The following CXCL13 variants were observed in gnomAD, a reference collection of about 807,000 sequenced individuals.
CXCL13 encodes C-X-C motif chemokine 13.
CXCL13 carries 7 observed loss-of-function variants against 12.2 expected under a neutral mutation model. The observed-to-expected ratio is 0.57, with a 90% confidence interval of 0.33 to 1.07. The LOEUF is 1.07. Among genes scored for constraint, CXCL13 ranks in the 50% least tolerant of loss-of-function variants. The pLI is 0.04. For missense variants in CXCL13, 113 were observed against 127.4 expected, an observed-to-expected ratio of 0.89 and a Z score of 0.55; for synonymous variants, 47 against 42.4, an observed-to-expected ratio of 1.11 and a Z score of -0.42.
intron 1 of CXCL13, among the ~76,000 whole-genome samples, chr4:77,514,130 T>A (rs541462374): frequency 2.0e-3 from 304 of 152,128 alleles, no homozygotes; most frequent in African/African-American, 7.0e-3. Context: ...ACAAAGGACA[T>A]GAACTCATCA....
At chr4:77,587,145 A>G (rs1198744816) in intron 1 of CXCL13, among the ~76,000 whole-genome samples, 3 of 152,148 alleles carry the variant, frequency 2.0e-5, no homozygotes, top group Non-Finnish European at 4.4e-5. Flanking sequence ...AAGTTAGTCA[A>G]CAGTGCTCTG....
intron 1 of CXCL13, among the ~76,000 whole-genome samples, chr4:77,542,219 G>A (rs888875192): frequency 6.6e-6 from 1 of 152,046 alleles, no homozygotes; most frequent in African/African-American, 2.4e-5. Flanking sequence ...TTGTCTGATT[G>A]CTCTGGCTTA....
intron 1 of CXCL13, among the ~76,000 whole-genome samples, chr4:77,532,237 G>A (rs1252700808): frequency 1.3e-5 from 2 of 152,140 alleles, no homozygotes; most frequent in South Asian, 4.2e-4. Flanking sequence ...TTTAGGGCAG[G>A]CCTGGTGGTG....
At chr4:77,596,647 TGGTGGCG>T (rs1726766538) in intron 1 of CXCL13, among the ~76,000 whole-genome samples, 2 of 151,568 alleles carry the variant, frequency 1.3e-5, no homozygotes, top group African/African-American at 2.4e-5. Context: ...TAGCTGGGTA[TGGTGGCG>T]GGTGCCTCTA....
At chr4:77,524,371 C>T (rs1440458396) in intron 1 of CXCL13, among the ~76,000 whole-genome samples, 1 of 152,204 alleles carries the variant, frequency 6.6e-6, no homozygotes, top group African/African-American at 2.4e-5. Flanking sequence ...CCTTGCTGAG[C>T]TGTGGTGGGC....
intron 1 of CXCL13, among the ~76,000 whole-genome samples, chr4:77,516,936 G>A (rs925360341): frequency 6.6e-6 from 1 of 151,770 alleles, no homozygotes; most frequent in African/African-American, 2.4e-5. Flanking sequence ...TTTCTCTTGT[G>A]GGCATTTAGT....
At chr4:77,543,498 T>A (rs1725256986) in intron 1 of CXCL13, among the ~76,000 whole-genome samples, 1 of 152,152 alleles carries the variant, frequency 6.6e-6, no homozygotes, top group African/African-American at 2.4e-5. Flanking sequence ...TTTAGCACTA[T>A]TAACTTTCCT....
intron 1 of CXCL13, among the ~76,000 whole-genome samples, chr4:77,596,785 C>CAAA (rs1024280441): frequency 3.1e-5 from 2 of 64,748 alleles, no homozygotes; most frequent in African/African-American, 5.0e-5. Flanking sequence ...GACTCTGTCT[C>CAAA]AAAAAAAAAA....
chr4:77,533,703 C>T (rs893493553), intron 1 of CXCL13, among the ~76,000 whole-genome samples: 1 of 152,188 alleles, frequency 6.6e-6, no homozygotes, highest in Admixed American at 6.5e-5. Context: ...TACCAGGCCG[C>T]TTTGTTTACC....
intron 1 of CXCL13, among the ~76,000 whole-genome samples, chr4:77,592,174 T>C (rs1397353642): frequency 2.0e-5 from 3 of 152,326 alleles, no homozygotes; most frequent in South Asian, 4.1e-4. Flanking sequence ...GGCCAAGATA[T>C]GGAAATAATC....
intron 1 of CXCL13, among the ~76,000 whole-genome samples, chr4:77,561,048 C>A (rs1004735836): frequency 1.3e-5 from 2 of 152,156 alleles, no homozygotes; most frequent in Middle Eastern, 3.2e-3. Context: ...TTAAGGCTAA[C>A]AGTTCTCATG....
chr4:77,557,123 A>G (rs904497367), intron 1 of CXCL13, among the ~76,000 whole-genome samples: 4 of 152,238 alleles, frequency 2.6e-5, no homozygotes, highest in Admixed American at 1.3e-4. Context: ...TCCTGAGTAT[A>G]AAGAAAACAG....
At chr4:77,574,037 G>A (rs1293410415) in intron 1 of CXCL13, among the ~76,000 whole-genome samples, 1 of 151,910 alleles carries the variant, frequency 6.6e-6, no homozygotes. Context: ...AAAAGCCAGA[G>A]GTGTTGGCTG....
At chr4:77,518,694 G>A (rs202148606) in intron 1 of CXCL13, among the ~76,000 whole-genome samples, 16 of 152,140 alleles carry the variant, frequency 1.1e-4, no homozygotes, top group South Asian at 4.2e-4. Context: ...TTATACATTC[G>A]TCTAAATTTT....
rs1177393596 is a variant in CXCL13 at position 77,548,342 on chromosome 4, C to A, written c.-43+36554C>A. Among the ~76,000 whole-genome samples, 3 of 152,210 alleles carry A rather than the reference C, an allele frequency of 2.0e-5. No individual in the cohort carries two copies. In the East Asian group the frequency reaches 5.8e-4, roughly 29 times the overall value. ...AAAAATGACTGCAGTATCTTCAACA[C>A]ATTTGAGTTGCACTCATACTTTGTT... On this transcript the variant is annotated intron_variant, in intron 1 of 4. Transcript: ENST00000286758.
intron 1 of CXCL13, among the ~76,000 whole-genome samples, chr4:77,592,610 AAATT>A (rs139722681): frequency 0.11 from 17,137 of 152,258 alleles, 1,084 homozygotes; most frequent in Middle Eastern, 0.17. Context: ...ATATATAATG[AAATT>A]AATTAAATAA....
chr4:77,528,668 C>G (rs2110083405), intron 1 of CXCL13, among the ~76,000 whole-genome samples: 1 of 152,200 alleles, frequency 6.6e-6, no homozygotes, highest in Middle Eastern at 3.4e-3. Context: ...ATTGTAGATT[C>G]TGGATGTTAG....
intron 1 of CXCL13, among the ~76,000 whole-genome samples, chr4:77,524,061 G>A (rs750841201): frequency 6.6e-6 from 1 of 151,932 alleles, no homozygotes. Flanking sequence ...AGCAAATATT[G>A]CAGAACAGCA....
chr4:77,570,598 G>A (rs575092107), intron 1 of CXCL13, among the ~76,000 whole-genome samples: 48 of 152,342 alleles, frequency 3.2e-4, no homozygotes, highest in Non-Finnish European at 5.0e-4. Flanking sequence ...CTGCTGCACC[G>A]TGGGAGCCCC....
Sources: gnomAD v4.1 joint callset for allele counts (sites outside exome capture counted in the v4.1 genomes callset) on GRCh38, gnomAD v4.1.1 for gene constraint, MANE v1.5 for transcripts, NCBI Gene and HGNC (gene_info 2026-07-23, HGNC 2026-07-21) for gene names.